The following EVC variants were observed in gnomAD, a reference collection of about 807,000 sequenced individuals.
EVC encodes evC complex member EVC.
In EVC, 116 loss-of-function variants were observed where a neutral mutation model predicts 118.9. The ratio of observed to expected loss-of-function variants is 0.98; its 90% CI spans 0.84 to 1.14. The LOEUF is 1.14. EVC is among the 50% of genes most tolerant of loss of function. The pLI is 0.00. For missense variants in EVC, 1,401 were observed against 1,246.4 expected (o/e 1.12, Z -1.87); for synonymous variants, 619 against 534.7 (o/e 1.16, Z -2.18).
intron 12 of EVC, among the ~76,000 whole-genome samples, chr4:5,788,029 C>T (rs1173932457): frequency 6.6e-6 from 1 of 152,102 alleles, no homozygotes; most frequent in Non-Finnish European, 1.5e-5. Flanking sequence ...CTTTGCTGGC[C>T]CCTTCCCAGC....
chr4:5,711,545 G>C lies in EVC; in HGVS notation c.165G>C (p.Thr55=). 1 of 1,149,900 alleles carries C rather than the reference G, an allele frequency of 8.7e-7. No homozygotes were observed. 71.2% of individuals were successfully genotyped at this position (1,149,900 alleles called of 1,614,324 possible). The change falls in exon 1 of 21, where the codon ACG becomes ACC. Residue 55 remains threonine, a synonymous_variant. Transcript: ENST00000264956. The part of the protein sequence containing the change: ...WLGCRAGRQR[T]RHQKDDTQNL... ...GCTGCCGCGCGGGCCGCCAGCGCACGCGACACCAGGTGGGTCGGCCGAGCA... is the reference window on the plus strand; with the variant it reads ...GCTGCCGCGCGGGCCGCCAGCGCACCCGACACCAGGTGGGTCGGCCGAGCA...
intron 11 of EVC, chr4:5,758,255 G>A (rs544431382): frequency 1.3e-5 from 8 of 624,542 alleles, no homozygotes; most frequent in Non-Finnish European, 2.3e-5. Flanking sequence ...CAACACCTTG[G>A]TTTCATACTA....
At chr4:5,771,990 C>T (rs1734053699) in intron 11 of EVC, among the ~76,000 whole-genome samples, 1 of 151,992 alleles carries the variant, frequency 6.6e-6, no homozygotes, top group African/African-American at 2.4e-5. Flanking sequence ...CTCCATCTCC[C>T]AGGTTCACGC....
At position 5,786,174 on chromosome 4, in the gene EVC, T is replaced by A. The variant is rs141956664; in HGVS notation, c.1776+2410T>A. Among the ~76,000 whole-genome samples, 240 of 152,316 alleles carry A rather than the reference T, an allele frequency of 1.6e-3. 2 individuals are homozygous for A. The highest frequency in any genetic ancestry group is 5.4e-3 in the African/African-American group (226 of 41,560). On this transcript the variant is annotated intron_variant, in intron 12 of 20. Transcript: ENST00000264956. ...AGAACTACACCTTCTATGTGAAAAC[T>A]AAGGGTCACAATATCCAAATGATTC... is the stretch of plus-strand genomic sequence containing the variant.
chr4:5,715,740 C>CCTTTTTTTTTTTTTTTT lies in EVC; in HGVS notation c.175-3508_175-3507insCTTTTTTTTTTTTTTTT, dbSNP rs1553860016. On this transcript the variant is annotated intron_variant, in intron 1 of 20. Transcript: ENST00000264956. ...AATTTCGAAGGCATTTTTCCATTGTCTTTTTTTTTTTTTTTTTTTTTGAGA... is the reference window on the plus strand; with the variant it reads ...AATTTCGAAGGCATTTTTCCATTGTCCTTTTTTTTTTTTTTTTTTTTTTTTTTTTTTTTTTTTTGAGA... 9.9e-5 allele frequency among the ~76,000 whole-genome samples: 7 copies of CCTTTTTTTTTTTTTTTT among 70,992 alleles called. 3 individuals carry two copies. Among genetic ancestry groups the CCTTTTTTTTTTTTTTTT allele is most frequent in the Non-Finnish European group, 6.0e-5 (2 of 33,134 alleles). 46.6% of individuals were successfully genotyped at this position (70,992 alleles called of 152,430 possible).
At position 5,808,306 on chromosome 4, in the gene EVC, C is replaced by G; in HGVS notation, c.2667C>G (p.Ala889=). 6.2e-7 allele frequency: 1 copy of G among 1,614,202 alleles called. No homozygotes were observed. Among genetic ancestry groups the G allele is most frequent in the Non-Finnish European group, 8.5e-7 (1 of 1,180,052 alleles). ...CAGGAGTCATGGACCTTCTGGAAGCCCAGCTGGAGACCCAGCTACAGGTAC... is the reference window on the plus strand; with the variant it reads ...CAGGAGTCATGGACCTTCTGGAAGCGCAGCTGGAGACCCAGCTACAGGTAC... ...QQAGVMDLLE[A]QLETQLQEAE... The change falls in exon 18 of 21, where the codon GCC becomes GCG. Residue 889 remains alanine, a synonymous_variant. Transcript: ENST00000264956.
intron 11 of EVC, chr4:5,758,295 T>G: frequency 1.8e-6 from 1 of 567,152 alleles, no homozygotes; most frequent in South Asian, 2.3e-5. Flanking sequence ...GAGAATAAAC[T>G]TCGTTGTCTT....
chr4:5,795,836 T>C (rs1288538431), intron 13 of EVC, among the ~76,000 whole-genome samples: 1 of 152,232 alleles, frequency 6.6e-6, no homozygotes, highest in Non-Finnish European at 1.5e-5. Context: ...CATGCTGATA[T>C]ATATTTGGGT....
At chr4:5,726,101 C>T (rs1725764456) in intron 2 of EVC, among the ~76,000 whole-genome samples, 1 of 152,198 alleles carries the variant, frequency 6.6e-6, no homozygotes. Flanking sequence ...AAATTAGGAG[C>T]AAGTGATCAA....
chr4:5,766,273 G>C (rs1026313589), intron 11 of EVC, among the ~76,000 whole-genome samples: 2 of 151,568 alleles, frequency 1.3e-5, no homozygotes, highest in African/African-American at 4.9e-5. Context: ...CTAGCGATCA[G>C]CTGTTAGTCT....
At chr4:5,765,189 C>A (rs1312752479) in intron 11 of EVC, among the ~76,000 whole-genome samples, 2 of 117,636 alleles carry the variant, frequency 1.7e-5, no homozygotes, top group African/African-American at 6.6e-5. Context: ...GCAGGTTGTT[C>A]AGTTTCCATG....
Position 5,711,558 on chromosome 4 carries a change from G to A in EVC, c.174+4G>A. ...CCGCCAGCGCACGCGACACCAGGTG[G>A]GTCGGCCGAGCAGACAGCGGCGGGG... On this transcript the variant is annotated splice_donor_region_variant and intron_variant, in intron 1 of 20. Transcript: ENST00000264956. 3 of 1,172,112 alleles carry A rather than the reference G, an allele frequency of 2.6e-6. No individual in the cohort carries two copies. The highest frequency in any genetic ancestry group is 3.2e-6 in the Non-Finnish European group (3 of 949,638). 72.6% of individuals were successfully genotyped at this position (1,172,112 alleles called of 1,614,324 possible).
chr4:5,820,867 A>G, the EVC span: 1 of 152,228 alleles, frequency 6.6e-6, no homozygotes, highest in South Asian at 2.1e-4. Flanking sequence ...TTAAGTAAAA[A>G]TGGGAGTGAT....
At chr4:5,807,908 C>A (rs1283836009) in intron 17 of EVC, among the ~76,000 whole-genome samples, 1 of 152,224 alleles carries the variant, frequency 6.6e-6, no homozygotes, top group Non-Finnish European at 1.5e-5. Context: ...TTCTTCCCCC[C>A]AGCTTTTCTA....
intron 2 of EVC, among the ~76,000 whole-genome samples, chr4:5,723,726 G>T (rs1025662923): frequency 2.0e-5 from 3 of 152,128 alleles, no homozygotes; most frequent in African/African-American, 7.2e-5. Flanking sequence ...GACCTGTGAG[G>T]TCACAGGGAC....
Position 5,797,124 on chromosome 4 carries a change from G to C in EVC, c.1989G>C (p.Arg663=), listed in dbSNP as rs1289387183. 6.2e-7 allele frequency: 1 copy of C among 1,613,504 alleles called. No individual in the cohort carries two copies. Among genetic ancestry groups the C allele is most frequent in the Non-Finnish European group, 8.5e-7 (1 of 1,180,030 alleles). The change falls in exon 14 of 21, where the codon CGG becomes CGC. Residue 663 remains arginine (R), a synonymous_variant. Transcript: ENST00000264956. The part of the protein sequence containing the change: ...GNALATLTQM[R]LSGKKHLLQE... ...CCCTGGCCACCCTGACGCAGATGCG[G>C]CTATCGGGGAAGAAGCACCTCCTGC...
At chr4:5,758,773 C>A (rs1436878598) in intron 11 of EVC, among the ~76,000 whole-genome samples, 1 of 152,224 alleles carries the variant, frequency 6.6e-6, no homozygotes, top group African/African-American at 2.4e-5. Context: ...CTGATGTGCT[C>A]ACCCCAACCA....
At chr4:5,786,239 T>G (rs536393923) in intron 12 of EVC, among the ~76,000 whole-genome samples, 52 of 152,384 alleles carry the variant, frequency 3.4e-4, no homozygotes, top group African/African-American at 1.1e-3. Context: ...GCACAATATC[T>G]GTTGAATCAT....
At chr4:5,823,825 T>C in the EVC span, among the ~76,000 whole-genome samples, 2 of 152,202 alleles carry the variant, frequency 1.3e-5, no homozygotes, top group African/African-American at 4.8e-5. Flanking sequence ...CCTCAGGTAA[T>C]CCTTTATAGC....
Sources: gnomAD v4.1 joint callset for allele counts (sites outside exome capture counted in the v4.1 genomes callset) on GRCh38, gnomAD v4.1.1 for gene constraint, MANE v1.5 for transcripts, NCBI Gene and HGNC (gene_info 2026-07-23, HGNC 2026-07-21) for gene names.